Variants in ADCK1 observed in about 807,000 individuals in gnomAD.
The protein encoded by ADCK1 is aarF domain containing kinase 1.
ADCK1 carries 41 observed loss-of-function variants against 52.3 expected under a neutral mutation model. That is an observed-to-expected ratio of 0.78 (90% CI 0.61 to 1.02). The LOEUF (loss-of-function observed/expected upper bound fraction) is 1.02. Among genes scored for constraint, ADCK1 ranks in the 50% least tolerant of loss-of-function variants. The probability of loss-of-function intolerance (pLI) is 0.00; values close to 1 mark genes in which losing one functional copy is unlikely to be tolerated. For synonymous variants in ADCK1, 250 were observed against 274.6 expected (o/e 0.91, Z 0.89); for missense variants, 658 against 679.5 (o/e 0.97, Z 0.35).
At chr14:77,912,472 G>GTGTA (rs2083816664) in intron 7 of ADCK1, among the ~76,000 whole-genome samples, 1 of 146,144 alleles carries the variant, frequency 6.8e-6, no homozygotes, top group South Asian at 2.1e-4. Flanking sequence ...GTGTGTGTGT[G>GTGTA]TGTGTAATGA....
intron 3 of ADCK1, among the ~76,000 whole-genome samples, chr14:77,847,137 C>G (rs969719732): frequency 1.3e-5 from 2 of 152,068 alleles, no homozygotes; most frequent in African/African-American, 2.4e-5. Context: ...TATGGAGATG[C>G]TATGCAAGGG....
intron 7 of ADCK1, among the ~76,000 whole-genome samples, chr14:77,920,472 C>A (rs1287841093): frequency 6.6e-6 from 1 of 152,000 alleles, no homozygotes; most frequent in Non-Finnish European, 1.5e-5. Flanking sequence ...TATTTTTATA[C>A]CAGTACCATG....
intron 3 of ADCK1, among the ~76,000 whole-genome samples, chr14:77,852,660 A>AATATATATATATATAT (rs370053776): frequency 8.2e-4 from 26 of 31,690 alleles, no homozygotes; most frequent in African/African-American, 2.4e-3. Context: ...TAAATAAATA[A>AATATATATATATATAT]ATATATATAT....
At chr14:77,871,601 GC>G (rs1331379105) in intron 4 of ADCK1, among the ~76,000 whole-genome samples, 1 of 152,056 alleles carries the variant, frequency 6.6e-6, no homozygotes, top group African/African-American at 2.4e-5. Flanking sequence ...CAGGTGATCT[GC>G]CCATCTTGAC....
chr14:77,931,854 A>AC (rs2084349276), intron 10 of ADCK1, 143 bp downstream of exon 10: 2 of 928,966 alleles, frequency 2.2e-6, no homozygotes, highest in Admixed American at 2.9e-5. Flanking sequence ...AGGCAAAGTT[A>AC]AAGTTTGAAA....
At chr14:77,865,769 G>A (rs985500550) in intron 4 of ADCK1, among the ~76,000 whole-genome samples, 6 of 152,238 alleles carry the variant, frequency 3.9e-5, no homozygotes, top group East Asian at 3.9e-4. Context: ...TCCATTTCCC[G>A]ATCTCTAAAA....
chr14:77,889,929 G>GA (rs34189342), intron 5 of ADCK1, among the ~76,000 whole-genome samples: 3 of 148,908 alleles, frequency 2.0e-5, no homozygotes, highest in African/African-American at 4.9e-5. Flanking sequence ...AGAAGGCAAG[G>GA]AAAAAAAACT....
chr14:77,888,593 T>C (rs1221554277), intron 5 of ADCK1, among the ~76,000 whole-genome samples: 1 of 151,798 alleles, frequency 6.6e-6, no homozygotes, highest in Non-Finnish European at 1.5e-5. Context: ...ACAGAAATAA[T>C]GATGTGAAGT....
At chr14:77,861,964 A>G (rs1448524217) in intron 4 of ADCK1, among the ~76,000 whole-genome samples, 1 of 152,236 alleles carries the variant, frequency 6.6e-6, no homozygotes, top group Admixed American at 6.5e-5. Context: ...CTCTCCTTGC[A>G]TAGCATTGGC....
intron 4 of ADCK1, 128 bp from the exon 5 acceptor site, chr14:77,886,963 T>G (rs950170199): frequency 2.0e-6 from 2 of 1,022,498 alleles, no homozygotes; most frequent in Non-Finnish European, 1.4e-6. Context: ...ACACACACTC[T>G]CTCTCTCTTT....
chr14:77,870,455 G>A (rs971862058), intron 4 of ADCK1, among the ~76,000 whole-genome samples: 1 of 152,238 alleles, frequency 6.6e-6, no homozygotes, highest in African/African-American at 2.4e-5. Flanking sequence ...GTGTTCTTGT[G>A]TGTGCCCAAG....
At chr14:77,806,916 T>C (rs1443200028) in intron 1 of ADCK1, among the ~76,000 whole-genome samples, 6 of 152,076 alleles carry the variant, frequency 3.9e-5, no homozygotes, top group Admixed American at 3.9e-4. Flanking sequence ...TGTTTCACCA[T>C]GTTGCCTGAG....
chr14:77,838,692 C>T (rs1478875077), intron 3 of ADCK1, among the ~76,000 whole-genome samples: 1 of 152,198 alleles, frequency 6.6e-6, no homozygotes, highest in African/African-American at 2.4e-5. Context: ...GCCACTGCAC[C>T]TGCTCCCGCT....
intron 3 of ADCK1, among the ~76,000 whole-genome samples, chr14:77,856,497 G>C (rs1034415194): frequency 1.3e-5 from 2 of 152,122 alleles, no homozygotes; most frequent in African/African-American, 4.8e-5. Flanking sequence ...AGTTCTGAAG[G>C]GGAGTCCCAT....
At chr14:77,878,544 T>G (rs1306054030) in intron 4 of ADCK1, among the ~76,000 whole-genome samples, 3 of 152,316 alleles carry the variant, frequency 2.0e-5, no homozygotes. Flanking sequence ...GGGTCTAATC[T>G]CCTGGTACCA....
intron 4 of ADCK1, among the ~76,000 whole-genome samples, chr14:77,874,493 A>G (rs1308848991): frequency 6.6e-6 from 1 of 152,090 alleles, no homozygotes; most frequent in Admixed American, 6.5e-5. Context: ...TTATGGTGTC[A>G]CCTGAGGGTG....
rs1172105716 is a variant in ADCK1 at position 77,934,308 on chromosome 14, C to T, written c.*917C>T. 2.0e-5 allele frequency: 3 copies of T among 152,144 alleles called. No individual in the cohort carries two copies. Among genetic ancestry groups the T allele is most frequent in the African/African-American group, 2.4e-5 (1 of 41,402 alleles). The allele number at this position is 152,144 out of a possible 1,614,324, so 9.4% of individuals were successfully genotyped here. A position where few individuals can be genotyped will look rare whatever the true frequency, so the allele number is the denominator to read the frequency against. On this transcript the variant is annotated 3_prime_UTR_variant, in exon 11 of 11. Transcript: ENST00000238561. ...TCTCTTACCTTCCAAGACTCAGACT[C>T]TGGTTGGAGGAGTTAAGAAGCCCAA...
intron 1 of ADCK1, among the ~76,000 whole-genome samples, chr14:77,816,881 A>AAAATATAT (rs150077207): frequency 5.5e-5 from 6 of 110,008 alleles, no homozygotes; most frequent in African/African-American, 1.7e-4. Context: ...GTAGATGGTA[A>AAAATATAT]ATATATATAT....
chr14:77,902,768 A>G (rs2083575428), intron 6 of ADCK1: 1 of 152,250 alleles, frequency 6.6e-6, no homozygotes, highest in Admixed American at 6.5e-5. Flanking sequence ...TCTAAGAAGT[A>G]TTGACTATAG....
Sources: gnomAD v4.1 joint callset for allele counts (sites outside exome capture counted in the v4.1 genomes callset) on GRCh38, gnomAD v4.1.1 for gene constraint, MANE v1.5 for transcripts, NCBI Gene and HGNC (gene_info 2026-07-23, HGNC 2026-07-21) for gene names.